NRXN3: variants seen among roughly 807,000 people sequenced by gnomAD.
The protein encoded by NRXN3 is neurexin III.
Under a neutral mutation model 137.6 loss-of-function variants are expected in NRXN3, and 32 were observed. The ratio of observed to expected loss-of-function variants is 0.23; its 90% confidence interval spans 0.18 to 0.31. NRXN3 has a LOEUF of 0.31. NRXN3 is among the 10% of genes least tolerant of loss of function. The pLI, the probability that NRXN3 is intolerant of heterozygous loss-of-function variation, is 1.00. For synonymous variants in NRXN3, 798 were observed against 784.5 expected, an observed-to-expected ratio of 1.02 and a Z score of -0.29; for missense variants, 1,574 against 2,062.5, an observed-to-expected ratio of 0.76 and a Z score of 4.59.
At position 78,968,160 on chromosome 14, in the gene NRXN3, C is replaced by T; in HGVS notation, c.2969-13C>T. ...TTTACTCATTCTCTTTTGCTAATTACTTTCCTTTCCAGGTGATCTCTATAT... is the reference window on the plus strand; with the variant it reads ...TTTACTCATTCTCTTTTGCTAATTATTTTCCTTTCCAGGTGATCTCTATAT... On this transcript the variant is annotated splice_polypyrimidine_tract_variant and intron_variant, in intron 13 of 20. Coordinates refer to ENST00000335750, the MANE Select transcript of NRXN3 (RefSeq NM_001330195.2). 1 of 1,522,682 alleles carries T rather than the reference C, an allele frequency of 6.6e-7. No homozygotes were observed. The highest frequency in any genetic ancestry group is 1.1e-5 in the South Asian group (1 of 87,260). 94.3% of individuals were successfully genotyped at this position (1,522,682 alleles called of 1,614,324 possible).
chr14:78,182,659 C>T (rs980010640), intron 1 of NRXN3, among the ~76,000 whole-genome samples: 3 of 151,924 alleles, frequency 2.0e-5, no homozygotes, highest in Non-Finnish European at 2.9e-5. Flanking sequence ...TTAGTAGAGA[C>T]GGGGTTGCTC....
intron 6 of NRXN3, among the ~76,000 whole-genome samples, chr14:78,694,788 C>T (rs1029443443): frequency 2.0e-5 from 3 of 151,846 alleles, no homozygotes; most frequent in Non-Finnish European, 4.4e-5. Flanking sequence ...GGTTCTTTCT[C>T]CATAAACCTG....
chr14:79,814,625 T>A (rs2140915585), intron 20 of NRXN3, among the ~76,000 whole-genome samples: 1 of 152,332 alleles, frequency 6.6e-6, no homozygotes, highest in East Asian at 1.9e-4. Flanking sequence ...ATGGGCTTAC[T>A]GTTAAAGGGA....
At chr14:78,453,216 G>A (rs1002995168) in intron 4 of NRXN3, among the ~76,000 whole-genome samples, 1 of 152,168 alleles carries the variant, frequency 6.6e-6, no homozygotes, top group African/African-American at 2.4e-5. Context: ...CATTGATAGT[G>A]TTTAAAGAGA....
chr14:78,740,277 A>G (rs1284245161), intron 8 of NRXN3, among the ~76,000 whole-genome samples: 4 of 151,990 alleles, frequency 2.6e-5, no homozygotes, highest in Non-Finnish European at 5.9e-5. Context: ...AACTGACTCC[A>G]TTTGCCTGAA....
rs533368715 is a variant in NRXN3, at chr14:79,315,418, G to A, written c.3263-151803G>A. On this transcript the variant is annotated intron_variant, in intron 15 of 20. Coordinates refer to ENST00000335750, the MANE Select transcript of NRXN3 (RefSeq NM_001330195.2). ...CTCCATCCTATTCGAAAAAAGAAAA[G>A]GGGTCTCTGTAGAGAAACTATTAAA... 5.9e-5 allele frequency among the ~76,000 whole-genome samples: 9 copies of A among 152,184 alleles called. No homozygotes were observed. The East Asian group carries it at 1.4e-3, about 23-fold the overall frequency.
At chr14:78,837,573 A>G (rs113137615) in intron 10 of NRXN3, among the ~76,000 whole-genome samples, 1,710 of 151,588 alleles carry the variant, frequency 0.011, 47 homozygotes, top group African/African-American at 0.039. Context: ...ATCCTTTTGG[A>G]AAGAGCAAGT....
chr14:78,461,649 A>G (rs1468662817), intron 4 of NRXN3, among the ~76,000 whole-genome samples: 2 of 152,184 alleles, frequency 1.3e-5, no homozygotes, highest in East Asian at 1.9e-4. Context: ...GTAAGTAGAG[A>G]AAGAGGTATT....
At chr14:78,623,681 C>G (rs1055708622) in intron 4 of NRXN3, among the ~76,000 whole-genome samples, 1 of 152,208 alleles carries the variant, frequency 6.6e-6, no homozygotes, top group Admixed American at 6.5e-5. Context: ...ATTCTCCTGC[C>G]TCAGCCTCCC....
At chr14:79,820,934 T>C (rs2099270185) in intron 20 of NRXN3, among the ~76,000 whole-genome samples, 1 of 152,124 alleles carries the variant, frequency 6.6e-6, no homozygotes, top group Non-Finnish European at 1.5e-5. Flanking sequence ...CATTATGAGC[T>C]TTCTACATTA....
At chr14:79,047,120 C>T (rs2099634180) in intron 15 of NRXN3, among the ~76,000 whole-genome samples, 1 of 150,618 alleles carries the variant, frequency 6.6e-6, no homozygotes, top group Non-Finnish European at 1.5e-5. Context: ...GAGTAGCAAG[C>T]CACTCCCTTC....
At chr14:78,913,340 C>T (rs536236948) in intron 10 of NRXN3, among the ~76,000 whole-genome samples, 6 of 119,784 alleles carry the variant, frequency 5.0e-5, no homozygotes, top group South Asian at 2.9e-4. Context: ...AGTGTAGTGG[C>T]GCAATCTCAG....
chr14:78,822,287 T>C (rs1363682427), intron 10 of NRXN3, among the ~76,000 whole-genome samples: 1 of 152,200 alleles, frequency 6.6e-6, no homozygotes, highest in African/African-American at 2.4e-5. Flanking sequence ...ATTTCTGCCA[T>C]TATGGGATAA....
chr14:78,642,781 A>G (rs1207591714), intron 4 of NRXN3, among the ~76,000 whole-genome samples: 3 of 152,234 alleles, frequency 2.0e-5, no homozygotes, highest in Admixed American at 2.0e-4. Flanking sequence ...GATCATGACA[A>G]TAGACAGAAC....
chr14:79,419,299 A>C (rs1425470525), intron 15 of NRXN3, among the ~76,000 whole-genome samples: 2 of 152,188 alleles, frequency 1.3e-5, no homozygotes, highest in Non-Finnish European at 2.9e-5. Context: ...CATAAGATTC[A>C]AAAGAAGCTC....
chr14:79,295,096 T>A (rs1351774498), intron 15 of NRXN3, among the ~76,000 whole-genome samples: 2 of 152,160 alleles, frequency 1.3e-5, no homozygotes, highest in Non-Finnish European at 2.9e-5. Context: ...CCCCTTATCT[T>A]TATGATCTGG....
chr14:79,151,091 T>C (rs1313862995), intron 15 of NRXN3, among the ~76,000 whole-genome samples: 1 of 152,072 alleles, frequency 6.6e-6, no homozygotes, highest in African/African-American at 2.4e-5. Flanking sequence ...ACAGAAGACA[T>C]GCATTTATTA....
intron 17 of NRXN3, among the ~76,000 whole-genome samples, chr14:79,668,715 G>A (rs902159421): frequency 2.0e-5 from 3 of 151,982 alleles, no homozygotes; most frequent in Non-Finnish European, 4.4e-5. Context: ...AAGGGGGCGG[G>A]GTACTGTTTT....
At chr14:79,496,591 C>T (rs140364158) in intron 16 of NRXN3, among the ~76,000 whole-genome samples, 5 of 152,318 alleles carry the variant, frequency 3.3e-5, no homozygotes, top group African/African-American at 7.2e-5. Flanking sequence ...TTACAGAACA[C>T]TGGGTGATAC....
Sources: gnomAD v4.1 joint callset for allele counts (sites outside exome capture counted in the v4.1 genomes callset) on GRCh38, gnomAD v4.1.1 for gene constraint, MANE v1.5 for transcripts, NCBI Gene and HGNC (gene_info 2026-07-23, HGNC 2026-07-21) for gene names.